Variants in OLFML2B observed in about 807,000 individuals in gnomAD.
OLFML2B encodes the protein olfactomedin like 2B, also known as olfactomedin-like protein 2B.
Under a neutral mutation model 74.9 loss-of-function variants are expected in OLFML2B, and 57 were observed. The observed-to-expected ratio is 0.76, with a 90% confidence interval of 0.61 to 0.95. The LOEUF (loss-of-function observed/expected upper bound fraction) is 0.95. Among genes scored for constraint, OLFML2B ranks in the 40% least tolerant of loss-of-function variants. OLFML2B has a pLI of 0.00. For synonymous variants in OLFML2B, 388 were observed against 405.8 expected, an observed-to-expected ratio of 0.96 and a Z score of 0.53; for missense variants, 986 against 970.6, an observed-to-expected ratio of 1.02 and a Z score of -0.21.
Position 162,023,343 on chromosome 1 carries a change from C to A in OLFML2B, c.88G>T (p.Glu30Ter). The A allele has an allele frequency of 6.2e-7, 1 of 1,607,700 alleles. No individual in the cohort carries two copies. The highest frequency in any genetic ancestry group is 8.5e-7 in the Non-Finnish European group (1 of 1,176,082). Reference protein sequence around the residue: ...VSSIVLTGTSEPPDAQTVAPA... With the variant: ...VSSIVLTGTS The stretch of plus-strand genomic sequence containing the variant: ...GCCACTGTCTGCGCATCTGGGGGCT[C>A]GCTTGTCCCTGTGAGGACAATGCTG... The change falls in exon 1 of 8, where the codon GAG (glutamate) becomes TAG (stop). Residue 30 changes from glutamate (E) to a stop codon, truncating the protein, a stop_gained. Transcript: ENST00000294794. LOFTEE classifies it high-confidence loss of function.
rs1339107894 is a variant in OLFML2B at position 161,983,804 on chromosome 1, G to A, written c.2124C>T (p.Ile708=). The change falls in exon 8 of 8, where the codon ATC becomes ATT. Residue 708 remains isoleucine (I), a synonymous_variant. Coordinates refer to ENST00000294794, the MANE Select transcript of OLFML2B (RefSeq NM_015441.3). ...YAFDTHTNTQ[I]VPRLLFENEY... is the part of the protein sequence containing the mutation. ...CATTCTCGAACAGCAGCCTGGGGAC[G>A]ATCTGTGTGTTGGTGTGGGTGTCGA... The A allele has an allele frequency of 7.4e-6, 12 of 1,614,062 alleles. No homozygotes were observed. Among genetic ancestry groups the A allele is most frequent in the Non-Finnish European group, 1.0e-5 (12 of 1,180,040 alleles).
chr1:162,011,806 T>C (rs562700977), intron 3 of OLFML2B, among the ~76,000 whole-genome samples: 1 of 152,304 alleles, frequency 6.6e-6, no homozygotes, highest in South Asian at 2.1e-4. Flanking sequence ...TATATTAGGG[T>C]AATCTTACCC....
chr1:161,994,338 C>T (rs1305040756), intron 6 of OLFML2B, among the ~76,000 whole-genome samples: 1 of 152,266 alleles, frequency 6.6e-6, no homozygotes, highest in African/African-American at 2.4e-5. Flanking sequence ...CCATGGTCGG[C>T]ACAGCTGGCC....
At chr1:162,021,161 G>C (rs927517276) in intron 1 of OLFML2B, among the ~76,000 whole-genome samples, 3 of 152,220 alleles carry the variant, frequency 2.0e-5, no homozygotes, top group African/African-American at 7.2e-5. Flanking sequence ...GGCCTTGAAG[G>C]ATGGGTTAGA....
Position 161,997,904 on chromosome 1 carries a change from A to G in OLFML2B, c.1395T>C (p.Asp465=), listed in dbSNP as rs985650499. ...TTVRTDSLGK[D]APAGWGTTPA... ...GGGTTGTTCCCCACCCAGCAGGAGC[A>G]TCTTTCCCCAGCGAGTCTGTTCTGA... The change falls in exon 6 of 8, where the codon GAT becomes GAC. Residue 465 remains aspartate (D), a synonymous_variant. Coordinates refer to ENST00000294794, the MANE Select transcript of OLFML2B (RefSeq NM_015441.3). 2.5e-6 allele frequency: 4 copies of G among 1,614,190 alleles called. No individual in the cohort carries two copies. The highest frequency in any genetic ancestry group is 2.2e-5 in the East Asian group (1 of 44,886).
chr1:162,000,000 G>A, intron 5 of OLFML2B, 113 bp downstream of exon 5: 1 of 779,956 alleles, frequency 1.3e-6, no homozygotes, highest in Non-Finnish European at 2.1e-6. Flanking sequence ...AGCAGTAATT[G>A]GAATGCTGTG....
At chr1:161,997,246 C>A (rs2101956823) in intron 6 of OLFML2B, among the ~76,000 whole-genome samples, 1 of 152,336 alleles carries the variant, frequency 6.6e-6, no homozygotes, top group Non-Finnish European at 1.5e-5. Context: ...GCCTTCCTGG[C>A]AGCCAGGCCA....
At chr1:162,005,472 G>A (rs1429260362) in intron 4 of OLFML2B, among the ~76,000 whole-genome samples, 1 of 152,194 alleles carries the variant, frequency 6.6e-6, no homozygotes, top group African/African-American at 2.4e-5. Flanking sequence ...GAGCTGTGAC[G>A]ACAGCCACAT....
intron 6 of OLFML2B, among the ~76,000 whole-genome samples, chr1:161,994,575 G>T (rs944967417): frequency 2.6e-5 from 4 of 152,166 alleles, no homozygotes; most frequent in African/African-American, 9.7e-5. Context: ...CAGAGCCTTG[G>T]CCATGTGGCA....
In OLFML2B at chr1:161,983,701, T is replaced by C. The variant is rs1286817432; in HGVS notation, c.2227A>G (p.Thr743Ala). 5 of 1,611,290 alleles carry C rather than the reference T, an allele frequency of 3.1e-6. No homozygotes were observed. The highest frequency in any genetic ancestry group is 3.4e-6 in the Non-Finnish European group (4 of 1,177,728). ...CAGTAGGCAAAGATGACATGGTAAG[T>C]GACCTGGTGGCCATTGTCCCAGGCA... Reference protein sequence around the residue: ...LYAWDNGHQVTYHVIFAY With the variant: ...LYAWDNGHQVAYHVIFAY Residue 743 changes from threonine to alanine, a missense_variant, in exon 8 of 8, where the codon ACT becomes GCT. Transcript: ENST00000294794.
chr1:161,985,733 G>A (rs889184580), intron 6 of OLFML2B, among the ~76,000 whole-genome samples: 14 of 152,180 alleles, frequency 9.2e-5, no homozygotes, highest in Non-Finnish European at 1.9e-4. Flanking sequence ...TCACTACTGG[G>A]AGCAGGATGC....
At chr1:162,002,711 G>T (rs1690114860) in intron 4 of OLFML2B, among the ~76,000 whole-genome samples, 1 of 152,176 alleles carries the variant, frequency 6.6e-6, no homozygotes, top group Non-Finnish European at 1.5e-5. Flanking sequence ...ACTCCTGAAA[G>T]GTAGGGGACA....
At chr1:162,019,606 G>A (rs1049256394) in intron 2 of OLFML2B, among the ~76,000 whole-genome samples, 1 of 152,198 alleles carries the variant, frequency 6.6e-6, no homozygotes, top group Non-Finnish European at 1.5e-5. Flanking sequence ...TAGGCTGATA[G>A]TAAATTGTGG....
At chr1:161,991,762 T>C (rs948276468) in intron 6 of OLFML2B, among the ~76,000 whole-genome samples, 8 of 152,182 alleles carry the variant, frequency 5.3e-5, no homozygotes, top group Non-Finnish European at 8.8e-5. Flanking sequence ...TTCTGAGCAG[T>C]AGGTCTCAAC....
At chr1:161,999,007 C>T (rs778915173) in intron 5 of OLFML2B, among the ~76,000 whole-genome samples, 10 of 152,152 alleles carry the variant, frequency 6.6e-5, no homozygotes, top group Admixed American at 2.0e-4. Context: ...ATGCGTGCAG[C>T]GGCCCAGGAG....
intron 7 of OLFML2B, 91 bp downstream of exon 7, chr1:161,984,713 C>G: frequency 2.2e-6 from 3 of 1,341,778 alleles, no homozygotes; most frequent in Non-Finnish European, 3.1e-6. Flanking sequence ...CCTTCCTATC[C>G]GTCATTACCA....
chr1:162,022,618 A>C lies in OLFML2B; in HGVS notation c.174+639T>G, dbSNP rs545300899. Among the ~76,000 whole-genome samples, 124 of 152,246 alleles carry C rather than the reference A, an allele frequency of 8.1e-4. 1 individual carries two copies. The highest frequency in any genetic ancestry group is 2.9e-3 in the African/African-American group (122 of 41,538). ...GGTGTTTTGAAGATTGAGTCAGAAA[A>C]AACAAGTTTAAGTACTTGGTAAACG... On this transcript the variant is annotated intron_variant, in intron 1 of 7. Transcript: ENST00000294794.
chr1:162,019,847 C>A, intron 2 of OLFML2B, 72 bp downstream of exon 2: 1 of 1,555,940 alleles, frequency 6.4e-7, no homozygotes, highest in South Asian at 1.2e-5. Context: ...AATCTTCAAC[C>A]ATGGCCTTAC....
chr1:162,023,343 C>G lies in OLFML2B; in HGVS notation c.88G>C (p.Glu30Gln). Reference sequence around the variant, plus strand: ...GCCACTGTCTGCGCATCTGGGGGCTCGCTTGTCCCTGTGAGGACAATGCTG... The same window carrying G: ...GCCACTGTCTGCGCATCTGGGGGCTGGCTTGTCCCTGTGAGGACAATGCTG... The part of the protein sequence containing the change: ...VSSIVLTGTS[E>Q]PPDAQTVAPA... Residue 30 changes from glutamate to glutamine, a missense_variant, in exon 1 of 8, where the codon GAG becomes CAG. Glu to Gln is a conservative substitution (Grantham distance 29). Transcript: ENST00000294794. The G allele has an allele frequency of 6.2e-7, 1 of 1,607,700 alleles. No individual in the cohort carries two copies. The highest frequency in any genetic ancestry group is 8.5e-7 in the Non-Finnish European group (1 of 1,176,082).
Sources: gnomAD v4.1 joint callset for allele counts (sites outside exome capture counted in the v4.1 genomes callset) on GRCh38, gnomAD v4.1.1 for gene constraint, MANE v1.5 for transcripts, NCBI Gene and HGNC (gene_info 2026-07-23, HGNC 2026-07-21) for gene names.